The following STAT5B variants were observed in gnomAD, a reference collection of about 807,000 sequenced individuals.
STAT5B encodes signal transducer and activator of transcription 5B, also known as transcription factor STAT5B.
STAT5B carries 21 observed loss-of-function variants against 107.8 expected under a neutral mutation model. That is an observed-to-expected ratio of 0.19 (90% CI 0.14 to 0.28). The LOEUF (loss-of-function observed/expected upper bound fraction) is 0.28, where lower values mean the gene tolerates loss of function less well. STAT5B is among the 10% of genes least tolerant of loss of function. The pLI, the probability that STAT5B is intolerant of heterozygous loss-of-function variation, is 1.00. For synonymous variants in STAT5B, 325 were observed against 401.7 expected (o/e 0.81, Z 2.28); for missense variants, 565 against 1,008.2 (o/e 0.56, Z 5.95).
At chr17:42,284,400 G>C in the STAT5B span, among the ~76,000 whole-genome samples, 19 of 152,080 alleles carry the variant, frequency 1.2e-4, no homozygotes, top group African/African-American at 4.3e-4. Context: ...CTGAGTAGCT[G>C]GGACTACAGG....
At chr17:42,239,924 GA>G (rs2080388681) in intron 1 of STAT5B, among the ~76,000 whole-genome samples, 1 of 152,138 alleles carries the variant, frequency 6.6e-6, no homozygotes, top group South Asian at 2.1e-4. Flanking sequence ...TCAGGAGCTC[GA>G]GACCAGCCTG....
At chr17:42,211,337 G>A (rs536987878) in intron 13 of STAT5B, among the ~76,000 whole-genome samples, 32 of 151,990 alleles carry the variant, frequency 2.1e-4, no homozygotes, top group African/African-American at 2.7e-4. Context: ...GAGAAACCCC[G>A]TCTCCACTAA....
chr17:42,245,046 T>C (rs920467733), intron 1 of STAT5B, among the ~76,000 whole-genome samples: 2 of 148,634 alleles, frequency 1.3e-5, no homozygotes, highest in African/African-American at 5.0e-5. Flanking sequence ...GGACCATAGA[T>C]AGGCATCTGC....
At chr17:42,206,547 ATGT>A (rs2080086468) in intron 16 of STAT5B, among the ~76,000 whole-genome samples, 1 of 152,204 alleles carries the variant, frequency 6.6e-6, no homozygotes, top group Non-Finnish European at 1.5e-5. Context: ...TAGATGAGAG[ATGT>A]TGTGTGGTAT....
At chr17:42,278,680 T>A (rs2080782554), upstream of STAT5B, among the ~76,000 whole-genome samples, 1 of 152,056 alleles carries the variant, frequency 6.6e-6, no homozygotes, top group South Asian at 2.1e-4. Flanking sequence ...CCCAGATTAA[T>A]TTTTTAAAAT....
chr17:42,202,202 G>C, intron 18 of STAT5B, 138 bp downstream of exon 18: 2 of 1,031,508 alleles, frequency 1.9e-6, no homozygotes, highest in Admixed American at 2.3e-5. Context: ...CCTCCCAAAG[G>C]CCAGAGCCCG....
intron 12 of STAT5B, among the ~76,000 whole-genome samples, chr17:42,212,770 C>A (rs1335685862): frequency 6.6e-6 from 1 of 152,218 alleles, no homozygotes; most frequent in Non-Finnish European, 1.5e-5. Flanking sequence ...CATAGTACTC[C>A]ATTTTATTTT....
chr17:42,248,601 T>C (rs763129683), intron 1 of STAT5B, among the ~76,000 whole-genome samples: 9 of 152,238 alleles, frequency 5.9e-5, no homozygotes, highest in South Asian at 2.1e-4. Flanking sequence ...CAACTTAGCA[T>C]GGTGTAGGAA....
chr17:42,202,062 C>A (rs543876140), intron 18 of STAT5B, 198 bp from the exon 19 acceptor site: 6 of 641,666 alleles, frequency 9.4e-6, no homozygotes, highest in South Asian at 3.8e-5. Flanking sequence ...CCTCTCACAC[C>A]GGCTGTCCAG....
chr17:42,278,322 C>A (rs982836387), upstream of STAT5B, among the ~76,000 whole-genome samples: 9 of 152,280 alleles, frequency 5.9e-5, no homozygotes, highest in Middle Eastern at 6.8e-3. Flanking sequence ...CGTGTTCAAG[C>A]CCAGAACAGA....
At chr17:42,252,283 T>A (rs1206155482) in intron 1 of STAT5B, among the ~76,000 whole-genome samples, 1 of 152,172 alleles carries the variant, frequency 6.6e-6, no homozygotes, top group Non-Finnish European at 1.5e-5. Flanking sequence ...CAGTACAATA[T>A]TTGTATCCAA....
chr17:42,205,050 C>A (rs1598294029), intron 16 of STAT5B, among the ~76,000 whole-genome samples: 2 of 151,944 alleles, frequency 1.3e-5, no homozygotes. Flanking sequence ...TTTTTTGAGG[C>A]AGAGTCTCGC....
chr17:42,221,493 C>T (rs1598305512), intron 5 of STAT5B, among the ~76,000 whole-genome samples: 1 of 152,186 alleles, frequency 6.6e-6, no homozygotes, highest in South Asian at 2.1e-4. Flanking sequence ...GAAGACACTG[C>T]GTGATAGATC....
chr17:42,200,812 C>T lies in STAT5B; in HGVS notation c.*926G>A. ...AGCCTGAAGAAGGCCACGGACTGTG[C>T]ATCCGCTGGCTCAGAGAAAGGCTGG... On this transcript the variant is annotated 3_prime_UTR_variant, in exon 19 of 19. Transcript: ENST00000293328. The T allele has an allele frequency of 2.8e-6, 1 of 362,618 alleles. No homozygotes were observed. The highest frequency in any genetic ancestry group is 4.9e-6 in the Non-Finnish European group (1 of 203,524). 22.5% of individuals were successfully genotyped at this position (362,618 alleles called of 1,614,324 possible). A position where few individuals can be genotyped will look rare whatever the true frequency, so the allele number is the denominator to read the frequency against.
At chr17:42,210,745 T>C (rs1286520716) in intron 13 of STAT5B, among the ~76,000 whole-genome samples, 1 of 152,184 alleles carries the variant, frequency 6.6e-6, no homozygotes, top group Non-Finnish European at 1.5e-5. Context: ...CACCTGGGAC[T>C]GGGCTGACCC....
intron 1 of STAT5B, among the ~76,000 whole-genome samples, chr17:42,245,586 G>C (rs951484126): frequency 6.6e-6 from 1 of 151,432 alleles, no homozygotes; most frequent in Non-Finnish European, 1.5e-5. Flanking sequence ...GTAATGGCGC[G>C]ATCTTGGCTC....
chr17:42,228,387 T>C (rs2080291651), intron 2 of STAT5B, among the ~76,000 whole-genome samples: 1 of 152,040 alleles, frequency 6.6e-6, no homozygotes, highest in African/African-American at 2.4e-5. Context: ...CTCCCTCCTT[T>C]CTTTCCTTCT....
intron 12 of STAT5B, among the ~76,000 whole-genome samples, chr17:42,213,757 G>C (rs901237691): frequency 7.4e-5 from 11 of 148,970 alleles, no homozygotes; most frequent in African/African-American, 2.7e-4. Flanking sequence ...TCGAATTCCT[G>C]ACCTCAAATG....
At chr17:42,233,808 C>T (rs140817290) in intron 1 of STAT5B, 3 of 152,080 alleles carry the variant, frequency 2.0e-5, no homozygotes, top group African/African-American at 4.8e-5. Flanking sequence ...CTTTTTTTAA[C>T]ATGCTCTTGA....
Sources: gnomAD v4.1 joint callset for allele counts (sites outside exome capture counted in the v4.1 genomes callset) on GRCh38, gnomAD v4.1.1 for gene constraint, MANE v1.5 for transcripts, NCBI Gene and HGNC (gene_info 2026-07-23, HGNC 2026-07-21) for gene names.